KCNB2: variants seen among roughly 807,000 people sequenced by gnomAD.
KCNB2 encodes potassium voltage-gated channel subfamily B member 2, also known as delayed rectifier potassium channel protein.
KCNB2 carries 15 observed loss-of-function variants against 61.5 expected under a neutral mutation model. The observed-to-expected ratio is 0.24, with a 90% CI of 0.16 to 0.38. The LOEUF is 0.38. KCNB2 is among the 10% of genes least tolerant of loss of function. The pLI is 1.00. For synonymous variants in KCNB2, 457 were observed against 446.0 expected (o/e 1.02, Z -0.31); for missense variants, 828 against 1,125.2 (o/e 0.74, Z 3.78).
intron 2 of KCNB2, among the ~76,000 whole-genome samples, chr8:72,636,239 G>A (rs77700416): frequency 0.21 from 32,251 of 152,058 alleles, 3,624 homozygotes; most frequent in Middle Eastern, 0.27. Context: ...TAGTTAAGCT[G>A]AAATAACAGT....
At chr8:72,868,582 C>T (rs1297649643) in intron 2 of KCNB2, among the ~76,000 whole-genome samples, 1 of 151,344 alleles carries the variant, frequency 6.6e-6, no homozygotes, top group East Asian at 2.0e-4. Flanking sequence ...GTCTCAAAAA[C>T]AAAACAAACA....
intron 2 of KCNB2, among the ~76,000 whole-genome samples, chr8:72,922,672 C>T (rs2129008340): frequency 6.6e-6 from 1 of 152,300 alleles, no homozygotes; most frequent in East Asian, 1.9e-4. Flanking sequence ...TCCCAAAAGG[C>T]CCCACCTCTT....
At chr8:72,622,131 A>G (rs561184353) in intron 2 of KCNB2, among the ~76,000 whole-genome samples, 2 of 152,328 alleles carry the variant, frequency 1.3e-5, no homozygotes, top group South Asian at 4.1e-4. Context: ...GATAAATAAG[A>G]TAACAGTCTA....
At chr8:72,667,101 T>A (rs962367509) in intron 2 of KCNB2, among the ~76,000 whole-genome samples, 6 of 152,132 alleles carry the variant, frequency 3.9e-5, no homozygotes, top group African/African-American at 1.4e-4. Context: ...ATGTAAATTC[T>A]CTATGTCTTG....
At chr8:72,586,282 C>T (rs1037633547) in intron 2 of KCNB2, among the ~76,000 whole-genome samples, 4 of 152,186 alleles carry the variant, frequency 2.6e-5, no homozygotes, top group African/African-American at 9.7e-5. Flanking sequence ...TGAAAAGATT[C>T]CATTTGTAGC....
chr8:72,645,987 G>A (rs1375645204), intron 2 of KCNB2, among the ~76,000 whole-genome samples: 1 of 152,022 alleles, frequency 6.6e-6, no homozygotes, highest in Non-Finnish European at 1.5e-5. Flanking sequence ...TTTCTCTTCA[G>A]TTTTTCATTA....
chr8:72,622,853 C>T (rs1477485555), intron 2 of KCNB2, among the ~76,000 whole-genome samples: 1 of 152,058 alleles, frequency 6.6e-6, no homozygotes, highest in African/African-American at 2.4e-5. Flanking sequence ...TAAGAAAGTC[C>T]CGTAGTAAAG....
rs533818048 is a variant in KCNB2 at position 72,787,489 on chromosome 8, T to TA, written c.580-148446_580-148445insA. On this transcript the variant is annotated intron_variant, in intron 2 of 2. Coordinates refer to ENST00000523207, the MANE Select transcript of KCNB2 (RefSeq NM_004770.3). ...TATTCAGGAAGAGTGTGTGGCTGAA[T>TA]TTTTTTTTTCTTTTTAATTAGTATA... 3.6e-3 allele frequency among the ~76,000 whole-genome samples: 380 copies of TA among 104,256 alleles called. 1 individual carries two copies. Among genetic ancestry groups the TA allele is most frequent in the Middle Eastern group, 0.014 (2 of 140 alleles). The allele number at this position is 104,256 out of a possible 152,430, so 68.4% of individuals were successfully genotyped here. A position where few individuals can be genotyped will look rare whatever the true frequency, so the allele number is the denominator to read the frequency against.
chr8:72,896,262 G>C (rs924326885), intron 2 of KCNB2, among the ~76,000 whole-genome samples: 1 of 152,076 alleles, frequency 6.6e-6, no homozygotes, highest in East Asian at 1.9e-4. Context: ...GTTAGAGGAG[G>C]ATACCATCAC....
rs116519989 is a variant in KCNB2 at position 72,764,889 on chromosome 8, A to G, written c.580-171046A>G. ...TATTCTGGGCAAAATATATCTGCCA[A>G]ATTCACAAGGAGAAATTCCCTGACA... On this transcript the variant is annotated intron_variant, in intron 2 of 2. Coordinates refer to ENST00000523207, the MANE Select transcript of KCNB2 (RefSeq NM_004770.3). Among the ~76,000 whole-genome samples the G allele has an allele frequency of 9.8e-3, 1,491 of 152,270 alleles. 22 individuals carry two copies. The highest frequency in any genetic ancestry group is 0.034 in the African/African-American group (1,432 of 41,530).
chr8:72,786,417 T>TTA (rs1173178609), intron 2 of KCNB2, among the ~76,000 whole-genome samples: 1 of 152,154 alleles, frequency 6.6e-6, no homozygotes, highest in Non-Finnish European at 1.5e-5. Flanking sequence ...ACCCAATGCT[T>TTA]TATTCTTTAT....
intron 2 of KCNB2, among the ~76,000 whole-genome samples, chr8:72,644,250 C>A (rs534550658): frequency 7.2e-5 from 11 of 152,152 alleles, no homozygotes; most frequent in South Asian, 4.2e-4. Context: ...AAAGTTCACC[C>A]CCCCCTTCTC....
chr8:72,754,176 G>A (rs1400944755), intron 2 of KCNB2, among the ~76,000 whole-genome samples: 1 of 152,102 alleles, frequency 6.6e-6, no homozygotes, highest in Non-Finnish European at 1.5e-5. Flanking sequence ...AATTGTAACA[G>A]GCCAATTGGG....
chr8:72,575,478 T>C (rs1806781739), intron 2 of KCNB2, among the ~76,000 whole-genome samples: 1 of 152,138 alleles, frequency 6.6e-6, no homozygotes, highest in African/African-American at 2.4e-5. Flanking sequence ...ATTTGGCATA[T>C]AATATGAAAC....
At chr8:72,765,186 A>T (rs1164951958) in intron 2 of KCNB2, among the ~76,000 whole-genome samples, 1 of 152,188 alleles carries the variant, frequency 6.6e-6, no homozygotes, top group Non-Finnish European at 1.5e-5. Context: ...GCTGAGCCCC[A>T]GCAATTAGGA....
intron 2 of KCNB2, among the ~76,000 whole-genome samples, chr8:72,668,494 T>G (rs1429466737): frequency 6.6e-6 from 1 of 152,186 alleles, no homozygotes; most frequent in African/African-American, 2.4e-5. Context: ...ATACAGAGTT[T>G]GGACAACCCA....
At chr8:72,795,475 T>C (rs1456477638) in intron 2 of KCNB2, among the ~76,000 whole-genome samples, 1 of 152,216 alleles carries the variant, frequency 6.6e-6, no homozygotes, top group Non-Finnish European at 1.5e-5. Flanking sequence ...TGGTAAGCTA[T>C]TTTTTAAAGC....
chr8:72,873,273 G>T (rs78926858), intron 2 of KCNB2, among the ~76,000 whole-genome samples: 6 of 152,278 alleles, frequency 3.9e-5, no homozygotes, highest in Non-Finnish European at 8.8e-5. Context: ...ATGGATTAAG[G>T]CTGCTTCATT....
At chr8:72,726,065 A>G (rs1478153256) in intron 2 of KCNB2, among the ~76,000 whole-genome samples, 1 of 152,190 alleles carries the variant, frequency 6.6e-6, no homozygotes, top group East Asian at 1.9e-4. Context: ...GCAAATTCAT[A>G]TGTTGAAGCC....
Sources: gnomAD v4.1 joint callset for allele counts (sites outside exome capture counted in the v4.1 genomes callset) on GRCh38, gnomAD v4.1.1 for gene constraint, MANE v1.5 for transcripts, NCBI Gene and HGNC (gene_info 2026-07-23, HGNC 2026-07-21) for gene names.